Variants in SNIP1 observed in about 807,000 individuals in gnomAD.
SNIP1 encodes smad nuclear-interacting protein 1.
SNIP1 carries 23 observed loss-of-function variants against 37.4 expected under a neutral mutation model. The observed-to-expected ratio is 0.61, with a 90% CI of 0.44 to 0.87. The LOEUF (loss-of-function observed/expected upper bound fraction) is 0.87, where lower values mean the gene tolerates loss of function less well. Among genes scored for constraint, SNIP1 ranks in the 40% least tolerant of loss-of-function variants. SNIP1 has a pLI of 0.00. For missense variants in SNIP1, 459 were observed against 540.4 expected (o/e 0.85, Z 1.49); for synonymous variants, 174 against 200.0 (o/e 0.87, Z 1.10).
At chr1:37,547,229 GAAGA>G (rs1643248926) in intron 2 of SNIP1, among the ~76,000 whole-genome samples, 1 of 152,330 alleles carries the variant, frequency 6.6e-6, no homozygotes, top group African/African-American at 2.4e-5. Flanking sequence ...CCTTGGAAGA[GAAGA>G]GATAGAGAGA....
Position 37,536,615 on chromosome 1 carries a change from C to T in SNIP1, c.*1133G>A, listed in dbSNP as rs1388980728. The T allele has an allele frequency of 2.0e-5, 3 of 152,482 alleles. No individual in the cohort carries two copies. The highest frequency in any genetic ancestry group is 4.4e-5 in the Non-Finnish European group (3 of 68,024). 9.4% of individuals were successfully genotyped at this position (152,482 alleles called of 1,614,324 possible). A position where few individuals can be genotyped will look rare whatever the true frequency, so the allele number is the denominator to read the frequency against. On this transcript the variant is annotated 3_prime_UTR_variant, in exon 4 of 4. Transcript: ENST00000296215. ...ACCTGCTCTTCAAATGCAGGGAGGC[C>T]TTTGCCTAACATTGTCATATGAAAA...
Position 37,540,365 on chromosome 1 carries a change from G to A in SNIP1, c.718C>T (p.Arg240Trp), listed in dbSNP as rs375133551. 14 of 1,613,914 alleles carry A rather than the reference G, an allele frequency of 8.7e-6. No individual in the cohort carries two copies. The highest frequency in any genetic ancestry group is 5.3e-5 in the African/African-American group (4 of 74,862). Reference sequence around the variant, plus strand: ...TCACTATATTTAATGACTACACCCCGGAAAGTGTTGGTGTCCTCAAGAAGT... The same window carrying A: ...TCACTATATTTAATGACTACACCCCAGAAAGTGTTGGTGTCCTCAAGAAGT... The part of the protein sequence containing the change: ...GALLEDTNTF[R>W]GVVIKYSEPP... The change falls in exon 3 of 4, where the codon CGG becomes TGG. Residue 240 changes from arginine (R) to tryptophan (W), a missense_variant. Arg to Trp is a moderately radical substitution (Grantham distance 101, BLOSUM62 -3). Transcript: ENST00000296215. This position sits in a 1 kb window ranked among gnomAD's most constrained non-coding sequence, Gnocchi z 5.6.
chr1:37,544,446 C>CAAA (rs11374263), intron 2 of SNIP1, among the ~76,000 whole-genome samples: 21 of 94,120 alleles, frequency 2.2e-4, no homozygotes, highest in South Asian at 1.0e-3. Flanking sequence ...GACTCTGTCT[C>CAAA]AAAAAAAAAA....
At chr1:37,549,246 T>C (rs1301676398) in intron 2 of SNIP1, among the ~76,000 whole-genome samples, 1 of 152,190 alleles carries the variant, frequency 6.6e-6, no homozygotes, top group South Asian at 2.1e-4. Flanking sequence ...CAAAGAAATA[T>C]GTATAGGATT....
At chr1:37,541,344 T>C (rs1402930700) in intron 2 of SNIP1, 6 of 152,218 alleles carry the variant, frequency 3.9e-5, no homozygotes, top group African/African-American at 1.4e-4. Context: ...AAACATACCA[T>C]GATTTCTTGA....
intron 3 of SNIP1, among the ~76,000 whole-genome samples, chr1:37,538,234 C>T (rs752589016): frequency 1.3e-5 from 2 of 152,074 alleles, no homozygotes; most frequent in African/African-American, 2.4e-5. Flanking sequence ...ATGGACCGGG[C>T]GCGGTGGCTC....
chr1:37,544,737 G>A (rs1016756983), intron 2 of SNIP1: 10 of 653,698 alleles, frequency 1.5e-5, no homozygotes, highest in Middle Eastern at 3.9e-4. Flanking sequence ...TGCAGCCACC[G>A]CCGCACAGCC....
At chr1:37,546,524 A>G (rs1347845364) in intron 2 of SNIP1, among the ~76,000 whole-genome samples, 1 of 152,042 alleles carries the variant, frequency 6.6e-6, no homozygotes, top group African/African-American at 2.4e-5. Flanking sequence ...AAATACAAAA[A>G]TTAGCTGGAT....
At chr1:37,543,330 A>G (rs1186669732) in intron 2 of SNIP1, among the ~76,000 whole-genome samples, 3 of 152,220 alleles carry the variant, frequency 2.0e-5, no homozygotes, top group African/African-American at 7.2e-5. Flanking sequence ...ACTTATAGAA[A>G]TCAATCCTAC....
chr1:37,554,259 A>G lies in SNIP1; in HGVS notation c.-30T>C, dbSNP rs1315093683. The G allele has an allele frequency of 6.4e-7, 1 of 1,568,468 alleles. No homozygotes were observed. Among genetic ancestry groups the G allele is most frequent in the South Asian group, 1.2e-5 (1 of 84,022 alleles). ...TGATTTTGGCTGGGCGAAAGAAAAC[A>G]GATCAGTTGAGCTCCTCTAGCTGGA... On this transcript the variant is annotated 5_prime_UTR_variant, in exon 1 of 4. Transcript: ENST00000296215.
chr1:37,542,633 G>A (rs543906946), intron 2 of SNIP1, among the ~76,000 whole-genome samples: 20 of 152,182 alleles, frequency 1.3e-4, no homozygotes, highest in Admixed American at 3.9e-4. Context: ...CCAGCTACTC[G>A]GAAAGCTGAG....
At chr1:37,551,705 G>T (rs892046998) in intron 2 of SNIP1, among the ~76,000 whole-genome samples, 1 of 152,052 alleles carries the variant, frequency 6.6e-6, no homozygotes, top group Non-Finnish European at 1.5e-5. Flanking sequence ...CCTAATTTTT[G>T]ACTTTTAGCC....
chr1:37,554,073 G>C lies in SNIP1; in HGVS notation c.157C>G (p.Pro53Ala), dbSNP rs1388088698. 12 of 1,603,172 alleles carry C rather than the reference G, an allele frequency of 7.5e-6. No individual in the cohort carries two copies. Among genetic ancestry groups the C allele is most frequent in the Non-Finnish European group, 1.0e-5 (12 of 1,176,076 alleles). The change falls in exon 1 of 4, where the codon CCG becomes GCG. Residue 53 changes from proline to alanine, a missense_variant. By Grantham distance (27) the Pro-to-Ala change is conservative. Transcript: ENST00000296215. ...GCCGGCTCGCTGGTCGGCGGAGACGGGCTACCACCGGAGTGGTCCGGACGG... is the reference window on the plus strand; with the variant it reads ...GCCGGCTCGCTGGTCGGCGGAGACGCGCTACCACCGGAGTGGTCCGGACGG... The part of the protein sequence containing the change: ...HRRPDHSGGS[P>A]SPPTSEPARS...
intron 3 of SNIP1, 135 bp from the exon 4 acceptor site, chr1:37,538,147 G>A: frequency 1.9e-6 from 2 of 1,055,560 alleles, no homozygotes; most frequent in East Asian, 2.7e-5. Context: ...AAATTCTAGG[G>A]AATCAAAGAA....
intron 2 of SNIP1, among the ~76,000 whole-genome samples, chr1:37,542,165 C>T (rs1053431328): frequency 3.9e-5 from 6 of 152,160 alleles, no homozygotes; most frequent in African/African-American, 1.4e-4. Flanking sequence ...AATCCAAGCA[C>T]TGCAAACTGC....
rs1643082294 is a variant in SNIP1, at chr1:37,535,647, T to A, written c.*2101A>T. 6.6e-6 allele frequency: 1 copy of A among 152,086 alleles called. No homozygotes were observed. The highest frequency in any genetic ancestry group is 2.4e-5 in the African/African-American group (1 of 41,410). 9.4% of individuals were successfully genotyped at this position (152,086 alleles called of 1,614,324 possible). On this transcript the variant is annotated 3_prime_UTR_variant, in exon 4 of 4. Transcript: ENST00000296215. ...GAGATCCTAGAGTAAGATACCAGATTAGTGCTTAAACCCTCAAGAGAAAAC... is the reference window on the plus strand; with the variant it reads ...GAGATCCTAGAGTAAGATACCAGATAAGTGCTTAAACCCTCAAGAGAAAAC...
In SNIP1 at chr1:37,540,285, A is replaced by C; in HGVS notation, c.798T>G (p.Asn266Lys). 1 of 1,614,110 alleles carries C rather than the reference A, an allele frequency of 6.2e-7. No homozygotes were observed. Among genetic ancestry groups the C allele is most frequent in the African/African-American group, 1.3e-5 (1 of 75,020 alleles). The change falls in exon 3 of 4, where the codon AAT (asparagine) becomes AAG (lysine). Residue 266 changes from asparagine to lysine, a missense_variant. Transcript: ENST00000296215. This position sits in a 1 kb window ranked among gnomAD's most constrained non-coding sequence, Gnocchi z 5.6. Reference protein sequence around the residue: ...KKRWRLYPFKNDEVLPVMYIH... With the variant: ...KKRWRLYPFKKDEVLPVMYIH... ...TGTACATGACTGGAAGCACCTCATC[A>C]TTTTTAAATGGGTAGAGACGCCACC...
rs1219677719 is a variant in SNIP1 at position 37,537,787 on chromosome 1, G to A, written c.1152C>T (p.Asp384=). Residue 384 remains aspartate (D), a synonymous_variant, in exon 4 of 4, where the codon GAC becomes GAT. Transcript: ENST00000296215. ...CTTCTTCCTCCTCCTCCTCATCCTC[G>A]TCATCTTTCCTGTCTATTTCAGAAG... is the stretch of plus-strand genomic sequence containing the variant. ...SDTSEIDRKD[D]EDEEEEEEVS... 8.1e-6 allele frequency: 13 copies of A among 1,613,930 alleles called. No individual in the cohort carries two copies. The highest frequency in any genetic ancestry group is 1.6e-4 in the Middle Eastern group (1 of 6,084).
rs1373740805 is a variant in SNIP1 at position 37,537,017 on chromosome 1, A to G, written c.*731T>C. The G allele has an allele frequency of 1.3e-5, 2 of 152,282 alleles. No homozygotes were observed. The highest frequency in any genetic ancestry group is 4.8e-5 in the African/African-American group (2 of 41,470). The allele number at this position is 152,282 out of a possible 1,614,324, so 9.4% of individuals were successfully genotyped here. On this transcript the variant is annotated 3_prime_UTR_variant, in exon 4 of 4. Coordinates refer to ENST00000296215, the MANE Select transcript of SNIP1 (RefSeq NM_024700.4). ...TGTGTACATGCTCCATGGAGAAATC[A>G]GGAATTCTTTCACAAAGAACAGATC...
Sources: allele counts gnomAD v4.1 joint callset (sites outside exome capture counted in the v4.1 genomes callset), GRCh38; gene constraint gnomAD v4.1.1; non-coding constraint Gnocchi (gnomAD v3.1); transcripts MANE v1.5; gene names NCBI Gene and HGNC (gene_info 2026-07-23, HGNC 2026-07-21).